Variants in RAB40B observed in about 807,000 individuals in gnomAD.
RAB40B encodes the protein ras-related protein Rab-40B.
RAB40B carries 21 observed loss-of-function variants against 24.0 expected under a neutral mutation model. The ratio of observed to expected loss-of-function variants is 0.88; its 90% CI spans 0.62 to 1.26. The LOEUF (loss-of-function observed/expected upper bound fraction) is 1.26, where lower values mean the gene tolerates loss of function less well. Among genes scored for constraint, RAB40B ranks in the 50% most tolerant of loss-of-function variants. The pLI, the probability that RAB40B is intolerant of heterozygous loss-of-function variation, is 0.00. For missense variants in RAB40B, 348 were observed against 390.5 expected (o/e 0.89, Z 0.92); for synonymous variants, 167 against 169.8 (o/e 0.98, Z 0.13).
In RAB40B at chr17:82,663,519, A is replaced by G. The variant is rs1173584729; in HGVS notation, c.203+977T>C. 6.6e-6 allele frequency among the ~76,000 whole-genome samples: 1 copy of G among 152,090 alleles called. No homozygotes were observed. The highest frequency in any genetic ancestry group is 1.5e-5 in the Non-Finnish European group (1 of 67,996). ...GGAGAGGTGTTCCAAGCTGGCCCCA[A>G]GGTGGGGGTGCTGGGGGAGGGAGAG... On this transcript the variant is annotated intron_variant, in intron 2 of 5. Coordinates refer to ENST00000571995, the MANE Select transcript of RAB40B (RefSeq NM_006822.3). This position sits in a 1 kb window ranked among gnomAD's most constrained non-coding sequence, Gnocchi z 6.2.
chr17:82,668,717 G>C (rs1486629981), intron 1 of RAB40B, among the ~76,000 whole-genome samples: 1 of 152,238 alleles, frequency 6.6e-6, no homozygotes, highest in Admixed American at 6.5e-5. Flanking sequence ...AAGCCTGCAG[G>C]GGGCAGGGGT....
chr17:82,660,863 C>G, intron 3 of RAB40B, 124 bp downstream of exon 3: 1 of 1,246,654 alleles, frequency 8.0e-7, no homozygotes, highest in Non-Finnish European at 1.1e-6. Context: ...CTCTCAGCAC[C>G]AATTTATACG....
At chr17:82,665,183 C>T (rs2046239432) in intron 1 of RAB40B, among the ~76,000 whole-genome samples, 2 of 152,048 alleles carry the variant, frequency 1.3e-5, no homozygotes, top group South Asian at 2.1e-4. Context: ...AGGCTGGAAC[C>T]TTCTTTCCAC....
chr17:82,695,940 G>A (rs1322890102), intron 1 of RAB40B, among the ~76,000 whole-genome samples: 6 of 151,924 alleles, frequency 3.9e-5, no homozygotes, highest in Admixed American at 1.3e-4. Flanking sequence ...ACAATGGTGC[G>A]ATCTCTGCAA....
chr17:82,658,086 G>C lies in RAB40B; in HGVS notation c.614C>G (p.Pro205Arg), dbSNP rs61758746. ...LCCRAVVSCT[P>R]VHLVDKLPLP... is the part of the protein sequence containing the mutation. ...CGGGAGCTTGTCCACCAGGTGCACCGGCGTGCAGGACACGACCGCCCGGCA... is the reference window on the plus strand; with the variant it reads ...CGGGAGCTTGTCCACCAGGTGCACCCGCGTGCAGGACACGACCGCCCGGCA... The change falls in exon 6 of 6, where the codon CCG becomes CGG. Residue 205 changes from proline to arginine, a missense_variant. Physicochemically the swap from Pro to Arg is moderately radical, Grantham distance 103. Around this residue, in one of 3 missense-constraint regions of RAB40B, gnomAD observed 121 missense variants for 124.0 expected, o/e 0.98. Coordinates refer to ENST00000571995, the MANE Select transcript of RAB40B (RefSeq NM_006822.3). 2.6e-5 allele frequency: 42 copies of C among 1,614,044 alleles called. No individual in the cohort carries two copies. Among genetic ancestry groups the C allele is most frequent in the African/African-American group, 4.0e-5 (3 of 74,940 alleles).
intron 1 of RAB40B, among the ~76,000 whole-genome samples, chr17:82,665,735 C>T (rs183871494): frequency 1.7e-3 from 257 of 151,952 alleles, no homozygotes; most frequent in Non-Finnish European, 2.4e-3. Context: ...GGTGTGGTGG[C>T]GGGCTCCTGG....
At chr17:82,678,879 GTTT>G (rs35848277) in intron 1 of RAB40B, among the ~76,000 whole-genome samples, 25 of 99,150 alleles carry the variant, frequency 2.5e-4, no homozygotes, top group South Asian at 1.2e-3. Flanking sequence ...CCCTTTCTGC[GTTT>G]TTTTTTTTTT....
At chr17:82,698,434 A>ACCCCG (rs2046635811) in intron 1 of RAB40B, 21 bp downstream of exon 1, 1 of 1,216,690 alleles carries the variant, frequency 8.2e-7, no homozygotes, top group African/African-American at 1.8e-5. Context: ...GCACCCCGGC[A>ACCCCG]CGCCCTCCGC....
intron 1 of RAB40B, among the ~76,000 whole-genome samples, chr17:82,685,513 G>T (rs916506914): frequency 1.3e-5 from 2 of 152,134 alleles, no homozygotes; most frequent in African/African-American, 4.8e-5. Flanking sequence ...GCAGTGAAAC[G>T]CTCAGATGGG....
At chr17:82,673,710 G>A (rs1046807249) in intron 1 of RAB40B, among the ~76,000 whole-genome samples, 3 of 152,178 alleles carry the variant, frequency 2.0e-5, no homozygotes, top group African/African-American at 7.2e-5. Context: ...GGGCATGGAG[G>A]CGCTTCTCTG....
intron 1 of RAB40B, among the ~76,000 whole-genome samples, chr17:82,686,153 G>T (rs182402476): frequency 1.1e-3 from 154 of 144,260 alleles, no homozygotes; most frequent in Non-Finnish European, 2.0e-4. Context: ...CATCCAGGCT[G>T]GAGGCTGGAG....
intron 1 of RAB40B, among the ~76,000 whole-genome samples, chr17:82,691,675 C>A (rs1370710574): frequency 1.3e-5 from 2 of 152,070 alleles, no homozygotes; most frequent in Non-Finnish European, 2.9e-5. Flanking sequence ...GAGCGAGACT[C>A]CATCTCAAAA....
At chr17:82,676,639 CTTTTTT>C (rs1478502416) in intron 1 of RAB40B, among the ~76,000 whole-genome samples, 1 of 151,856 alleles carries the variant, frequency 6.6e-6, no homozygotes, top group Non-Finnish European at 1.5e-5. Context: ...TTTTCTTTTT[CTTTTTT>C]GAGATGGAGT....
At chr17:82,659,718 G>A (rs1360938230) in intron 3 of RAB40B, 61 bp from the exon 4 acceptor site, 2 of 1,365,664 alleles carry the variant, frequency 1.5e-6, no homozygotes, top group East Asian at 4.6e-5. Context: ...CTGTGGCCAT[G>A]CACGCAAAGA....
rs1459972959 is a variant in RAB40B, at chr17:82,691,104, C to T, written c.142+7351G>A. ...GCACCTGCACCCCGGTGTGTCCACG[C>T]ACCGTGTAGTCTTGAGGGAGTGGCT... On this transcript the variant is annotated intron_variant, in intron 1 of 5. Coordinates refer to ENST00000571995, the MANE Select transcript of RAB40B (RefSeq NM_006822.3). Among the ~76,000 whole-genome samples the T allele has an allele frequency of 7.2e-5, 11 of 152,304 alleles. No individual in the cohort carries two copies. The East Asian group carries it at 1.9e-3, about 27-fold the overall frequency.
At chr17:82,662,022 C>T in intron 2 of RAB40B, 1 of 985,426 alleles carries the variant, frequency 1.0e-6, no homozygotes, top group Non-Finnish European at 1.2e-6. Flanking sequence ...ACGAACACAC[C>T]TACATCAATG....
At position 82,698,572 on chromosome 17, in the gene RAB40B, G is replaced by A. The variant is rs749785771; in HGVS notation, c.25C>T (p.Arg9Trp). 3 of 1,506,852 alleles carry A rather than the reference G, an allele frequency of 2.0e-6. No individual in the cohort carries two copies. The highest frequency in any genetic ancestry group is 2.9e-5 in the East Asian group (1 of 34,470). 93.3% of individuals were successfully genotyped at this position (1,506,852 alleles called of 1,614,324 possible). A position where few individuals can be genotyped will look rare whatever the true frequency, so the allele number is the denominator to read the frequency against. ...AACTTGAGCAGAAAGTCGTAGGCCC[G>A]GACCGGGCTGCCCAGGGCGCTCATC... is the stretch of plus-strand genomic sequence containing the variant. MSALGSPV[R>W]AYDFLLKFLL... The change falls in exon 1 of 6, where the codon CGG becomes TGG. Residue 9 changes from arginine to tryptophan, a missense_variant. Around this residue, in one of 3 missense-constraint regions of RAB40B, gnomAD observed 101 missense variants for 85.5 expected, o/e 1.18. Transcript: ENST00000571995.
intron 3 of RAB40B, among the ~76,000 whole-genome samples, chr17:82,660,687 TACACACACAC>T (rs66713002): frequency 6.8e-6 from 1 of 147,876 alleles, no homozygotes; most frequent in Non-Finnish European, 1.5e-5. Flanking sequence ...CACACACATG[TACACACACAC>T]ACACACACAG....
chr17:82,689,606 C>A (rs560999668), intron 1 of RAB40B, among the ~76,000 whole-genome samples: 1 of 152,302 alleles, frequency 6.6e-6, no homozygotes, highest in East Asian at 1.9e-4. Context: ...GTGTTATTTT[C>A]AAATGCATAG....
Sources: gnomAD v4.1 joint callset for allele counts (sites outside exome capture counted in the v4.1 genomes callset) on GRCh38, gnomAD v4.1.1 for gene constraint, gnomAD v4.1.1 regional missense constraint, Gnocchi (gnomAD v3.1) non-coding constraint, MANE v1.5 for transcripts, NCBI Gene and HGNC (gene_info 2026-07-23, HGNC 2026-07-21) for gene names.